Variants in HERC2 observed in about 807,000 individuals in gnomAD.
HERC2 encodes the protein E3 ubiquitin-protein ligase HERC2.
A neutral mutation model predicts 537.7 loss-of-function variants in HERC2; 102 were observed. That is an observed-to-expected ratio of 0.19 (90% CI 0.16 to 0.22). The LOEUF (loss-of-function observed/expected upper bound fraction) is 0.22. Ranked by LOEUF, HERC2 falls within the 10% of genes least tolerant of loss-of-function variation. The pLI is 1.00. For missense variants in HERC2, 4,236 were observed against 6,198.2 expected (o/e 0.68, Z 10.63); for synonymous variants, 2,224 against 2,466.2 (o/e 0.90, Z 2.91).
At chr15:28,311,959 A>C (rs2076956912) in intron 2 of HERC2, among the ~76,000 whole-genome samples, 1 of 152,094 alleles carries the variant, frequency 6.6e-6, no homozygotes, top group Non-Finnish European at 1.5e-5. Flanking sequence ...AATAATTACC[A>C]CCACCTTTCG....
rs114537025 is a variant in HERC2, at chr15:28,150,729, C to T, written c.10900+1948G>A. ...AAAACACACGCGGCTTCTAACTAACCGAGAACATCACCGAGAATGGCCACA... is the reference window on the plus strand; with the variant it reads ...AAAACACACGCGGCTTCTAACTAACTGAGAACATCACCGAGAATGGCCACA... On this transcript the variant is annotated intron_variant, in intron 70 of 92. Transcript: ENST00000261609. Among the ~76,000 whole-genome samples the T allele has an allele frequency of 3.9e-3, 595 of 151,728 alleles. 6 individuals are homozygous for T. The highest frequency in any genetic ancestry group is 0.014 in the African/African-American group (564 of 41,364).
rs1463013904 is a variant in HERC2, at chr15:28,176,076, C to A, written c.9686+352G>T. Among the ~76,000 whole-genome samples the A allele has an allele frequency of 6.6e-6, 1 of 152,188 alleles. No individual in the cohort carries two copies. The highest frequency in any genetic ancestry group is 1.5e-5 in the Non-Finnish European group (1 of 68,034). On this transcript the variant is annotated intron_variant, in intron 63 of 92. Coordinates refer to ENST00000261609, the MANE Select transcript of HERC2 (RefSeq NM_004667.6). The surrounding 1 kb of genome is among the most constrained non-coding windows in gnomAD (Gnocchi z 5.0). ...TGCATATTAATAAAATAAGCTTTTA[C>A]AAGAAACACATGTTAACTTTTTCAG...
At chr15:28,112,925 C>A (rs2142031091) in intron 92 of HERC2, 146 bp downstream of exon 92, 2 of 668,816 alleles carry the variant, frequency 3.0e-6, no homozygotes, top group East Asian at 5.5e-5. Flanking sequence ...GCCTTCACAT[C>A]AGAGAAGTTC....
chr15:28,226,002 T>C (rs1901114925), intron 35 of HERC2, among the ~76,000 whole-genome samples: 1 of 152,184 alleles, frequency 6.6e-6, no homozygotes, highest in South Asian at 2.1e-4. Context: ...ACCAAAGATT[T>C]AAAGCAGAAT....
intron 2 of HERC2, among the ~76,000 whole-genome samples, chr15:28,302,874 G>T (rs1207555230): frequency 1.3e-5 from 2 of 152,120 alleles, no homozygotes; most frequent in African/African-American, 2.4e-5. Context: ...TTCTTATAGA[G>T]GTGCTTAAGC....
At chr15:28,217,360 C>A (rs2905936) in intron 38 of HERC2, among the ~76,000 whole-genome samples, 62 of 150,090 alleles carry the variant, frequency 4.1e-4, no homozygotes, top group African/African-American at 1.4e-3. Context: ...CACATGCTAC[C>A]AACACACCAT....
At chr15:28,160,516 G>A (rs576544291) in intron 69 of HERC2, among the ~76,000 whole-genome samples, 8 of 152,348 alleles carry the variant, frequency 5.3e-5, no homozygotes, top group South Asian at 2.1e-4. Context: ...CTCCGTGGGC[G>A]TGGGACCCTC....
chr15:28,270,164 A>T (rs1452568934), intron 10 of HERC2, among the ~76,000 whole-genome samples: 4 of 151,932 alleles, frequency 2.6e-5, no homozygotes, highest in Admixed American at 6.6e-5. Flanking sequence ...GGTTTCTCCA[A>T]GTTGGCCAGG....
intron 5 of HERC2, among the ~76,000 whole-genome samples, chr15:28,275,681 G>T (rs537279471): frequency 6.6e-6 from 1 of 152,228 alleles, no homozygotes; most frequent in Admixed American, 6.5e-5. Flanking sequence ...TATAGGGGAG[G>T]CTGAGGCAGG....
At chr15:28,228,170 C>T in intron 35 of HERC2, 48 bp downstream of exon 35, 2 of 1,507,292 alleles carry the variant, frequency 1.3e-6, no homozygotes, top group Non-Finnish European at 9.0e-7. Flanking sequence ...GAAATCAAAG[C>T]AAAATCTTGA....
chr15:28,282,481 C>CA (rs1366242352), intron 4 of HERC2, among the ~76,000 whole-genome samples: 1 of 150,982 alleles, frequency 6.6e-6, no homozygotes, highest in Non-Finnish European at 1.5e-5. Context: ...AAAAGGAAGA[C>CA]AAAAAAAAGA....
At chr15:28,235,895 A>G (rs1271543632) in intron 26 of HERC2, among the ~76,000 whole-genome samples, 1 of 152,182 alleles carries the variant, frequency 6.6e-6, no homozygotes, top group Non-Finnish European at 1.5e-5. Context: ...ATGCACAACT[A>G]TATGAAAGAA....
chr15:28,291,490 T>C (rs2076310632), intron 4 of HERC2, among the ~76,000 whole-genome samples: 1 of 152,238 alleles, frequency 6.6e-6, no homozygotes, highest in South Asian at 2.1e-4. Flanking sequence ...GGCTAACTCT[T>C]AGAGGAAAGC....
intron 83 of HERC2, among the ~76,000 whole-genome samples, chr15:28,127,898 G>C (rs1889680579): frequency 1.3e-5 from 2 of 152,132 alleles, no homozygotes; most frequent in Non-Finnish European, 2.9e-5. Context: ...AAAGCTGCAT[G>C]AGAAAGGAAT....
chr15:28,292,230 C>CAAAAAAAAAAAAAAAAAAAAAAAAAAGA (rs34513876), intron 4 of HERC2, among the ~76,000 whole-genome samples: 1 of 67,478 alleles, frequency 1.5e-5, no homozygotes, highest in Non-Finnish European at 2.7e-5. Flanking sequence ...ACTCCATCTC[C>CAAAAAAAAAAAAAAAAAAAAAAAAAAGA]AAAAAAAAAA....
intron 2 of HERC2, among the ~76,000 whole-genome samples, chr15:28,309,873 G>T (rs1466121892): frequency 6.6e-6 from 1 of 152,180 alleles, no homozygotes; most frequent in Admixed American, 6.6e-5. Context: ...TTTGTAGAAG[G>T]AACAGCTTTC....
chr15:28,224,969 T>G (rs1457284442), intron 35 of HERC2, among the ~76,000 whole-genome samples: 1 of 152,264 alleles, frequency 6.6e-6, no homozygotes, highest in Non-Finnish European at 1.5e-5. Flanking sequence ...CTACCAAAAC[T>G]TCTGTGCTGC....
intron 4 of HERC2, among the ~76,000 whole-genome samples, chr15:28,288,545 A>G (rs991269951): frequency 1.1e-4 from 16 of 149,962 alleles, no homozygotes; most frequent in African/African-American, 3.9e-4. Flanking sequence ...CAAAAAAAAA[A>G]AAAAAAAGAG....
At position 28,274,403 on chromosome 15, in the gene HERC2, C is replaced by T. The variant is rs1186817663; in HGVS notation, c.688G>A (p.Asp230Asn). Reference protein sequence around the residue: ...LCSELLQESLDALRALPEASL... With the variant: ...LCSELLQESLNALRALPEASL... ...GCCTCGGGAAGTGCTCGCAGGGCGT[C>T]CAGGGACTCCTGCAACAGCTCACTG... Residue 230 changes from aspartate to asparagine, a missense_variant, in exon 7 of 93, where the codon GAC becomes AAC. Asp to Asn is a conservative substitution (Grantham distance 23). Coordinates refer to ENST00000261609, the MANE Select transcript of HERC2 (RefSeq NM_004667.6). 1 of 1,613,790 alleles carries T rather than the reference C, an allele frequency of 6.2e-7. No individual in the cohort carries two copies.
Sources: gnomAD v4.1 joint callset for allele counts (sites outside exome capture counted in the v4.1 genomes callset) on GRCh38, gnomAD v4.1.1 for gene constraint, Gnocchi (gnomAD v3.1) non-coding constraint, MANE v1.5 for transcripts, NCBI Gene and HGNC (gene_info 2026-07-23, HGNC 2026-07-21) for gene names.